DST: variants seen among roughly 807,000 people sequenced by gnomAD.
The protein encoded by DST is bullous pemphigoid antigen.
DST carries 253 observed loss-of-function variants against 875.2 expected under a neutral mutation model. The observed-to-expected ratio is 0.29, with a 90% CI of 0.26 to 0.32. The LOEUF (loss-of-function observed/expected upper bound fraction) is 0.32, where lower values mean the gene tolerates loss of function less well. DST is among the 10% of genes least tolerant of loss of function. The pLI is 1.00. For missense variants in DST, 8,287 were observed against 9,111.6 expected (o/e 0.91, Z 3.68); for synonymous variants, 3,124 against 3,197.1 (o/e 0.98, Z 0.77).
chr6:56,697,565 A>AT (rs368852742), intron 9 of DST, among the ~76,000 whole-genome samples: 10 of 151,706 alleles, frequency 6.6e-5, no homozygotes, highest in Admixed American at 1.3e-4. Flanking sequence ...ACAGAAACAC[A>AT]TTTTTTTTTA....
At chr6:56,546,378 A>C (rs2097224964) in intron 61 of DST, among the ~76,000 whole-genome samples, 2 of 136,014 alleles carry the variant, frequency 1.5e-5, no homozygotes, top group Non-Finnish European at 3.2e-5. Context: ...ATATATATAT[A>C]TATATATATA....
chr6:56,937,327 A>G (rs1269319175), intron 2 of DST, among the ~76,000 whole-genome samples: 1 of 151,754 alleles, frequency 6.6e-6, no homozygotes, highest in Non-Finnish European at 1.5e-5. Context: ...ATTCAATAAG[A>G]AAAAAAAATC....
At chr6:56,839,995 T>C (rs1455106566) in intron 4 of DST, among the ~76,000 whole-genome samples, 1 of 152,206 alleles carries the variant, frequency 6.6e-6, no homozygotes, top group Non-Finnish European at 1.5e-5. Flanking sequence ...GTTGTCTAGG[T>C]ACAACGGATT....
Position 56,780,842 on chromosome 6 carries a change from G to A in DST, c.626-45553C>T, listed in dbSNP as rs556727672. 1.1e-3 allele frequency among the ~76,000 whole-genome samples: 168 copies of A among 152,126 alleles called. 6 individuals are homozygous for A. The highest frequency in any genetic ancestry group is 3.9e-3 in the African/African-American group (162 of 41,500). ...ATGGTAATGCCTAGGTTTTCTTCTA[G>A]GGTTTTTATGGTTTTAGATCTAACG... On this transcript the variant is annotated intron_variant, in intron 4 of 103. Coordinates refer to ENST00000680361, the MANE Select transcript of DST (RefSeq NM_001374736.1).
In DST at chr6:56,778,493, A is replaced by G. The variant is rs919610109; in HGVS notation, c.626-43204T>C. On this transcript the variant is annotated intron_variant, in intron 4 of 103. Coordinates refer to ENST00000680361, the MANE Select transcript of DST (RefSeq NM_001374736.1). ...GGTATGCTGCACCCAGTAACTCATCATTTAACATTAGGTATATCTCCAAAT... is the reference window on the plus strand; with the variant it reads ...GGTATGCTGCACCCAGTAACTCATCGTTTAACATTAGGTATATCTCCAAAT... 7.3e-5 allele frequency among the ~76,000 whole-genome samples: 11 copies of G among 150,572 alleles called. No homozygotes were observed. In the East Asian group the frequency reaches 2.0e-3, roughly 27 times the overall value.
At position 56,640,286 on chromosome 6, in the gene DST, C is replaced by G. The variant is rs1554550101; in HGVS notation, c.2347G>C (p.Glu783Gln). 6.2e-6 allele frequency: 10 copies of G among 1,614,148 alleles called. No individual in the cohort carries two copies. Among genetic ancestry groups the G allele is most frequent in the South Asian group, 1.1e-5 (1 of 91,082 alleles). Residue 783 changes from glutamate (E) to glutamine (Q), a missense_variant, in exon 18 of 104, where the codon GAG becomes CAG. By Grantham distance (29) the Glu-to-Gln change is conservative. Around this residue, in one of 10 missense-constraint regions of DST, gnomAD observed 1,160 missense variants for 1,424.3 expected, o/e 0.81. Coordinates refer to ENST00000680361, the MANE Select transcript of DST (RefSeq NM_001374736.1). ...GLVPNFSSGV[E>Q]PNSLQTLKLM... ...TTCAAAGTTTGCAATGAATTTGGCTCTACTCCTGAACTGAAATTTGGAACT... is the reference window on the plus strand; with the variant it reads ...TTCAAAGTTTGCAATGAATTTGGCTGTACTCCTGAACTGAAATTTGGAACT...
At chr6:56,712,699 T>C (rs989543047) in intron 5 of DST, among the ~76,000 whole-genome samples, 4 of 152,220 alleles carry the variant, frequency 2.6e-5, no homozygotes, top group African/African-American at 7.2e-5. Flanking sequence ...GATTCCACTA[T>C]ATTTTTAAAT....
At chr6:56,828,755 C>T (rs528682141) in intron 4 of DST, among the ~76,000 whole-genome samples, 24 of 152,220 alleles carry the variant, frequency 1.6e-4, no homozygotes, top group African/African-American at 5.8e-4. Context: ...CATCTTTTCC[C>T]TACAGGCAAT....
intron 4 of DST, among the ~76,000 whole-genome samples, chr6:56,769,150 G>C (rs1470222153): frequency 6.6e-6 from 1 of 152,102 alleles, no homozygotes; most frequent in Non-Finnish European, 1.5e-5. Flanking sequence ...TGAACAGACA[G>C]TTTACTAAAG....
rs1323358798 is a variant in DST at position 56,553,598 on chromosome 6, A to G, written c.15194T>C (p.Met5065Thr). The G allele has an allele frequency of 6.2e-7, 1 of 1,613,660 alleles. No individual in the cohort carries two copies. Among genetic ancestry groups the G allele is most frequent in the Non-Finnish European group, 8.5e-7 (1 of 1,179,886 alleles). ...ACASSHQFQQ[M>T]SRDFQAWLDT... ...CAGCCAAGCCTGAAAATCTCTAGAC[A>G]TTTGCTGAAATTGATGAGAGCTTGC... Residue 5065 changes from methionine to threonine, a missense_variant, in exon 61 of 104, where the codon ATG (methionine) becomes ACG (threonine). By Grantham distance (81) the Met-to-Thr change is moderately conservative. Coordinates refer to ENST00000680361, the MANE Select transcript of DST (RefSeq NM_001374736.1).
intron 93 of DST, 149 bp from the exon 94 acceptor site, chr6:56,472,371 G>T: frequency 1.4e-6 from 1 of 690,584 alleles, no homozygotes; most frequent in Non-Finnish European, 2.4e-6. Context: ...GATGTATAAT[G>T]TCAAGGCCCA....
chr6:56,590,587 ATTTG>A (rs968692553), intron 49 of DST, among the ~76,000 whole-genome samples: 16 of 152,246 alleles, frequency 1.1e-4, no homozygotes, highest in African/African-American at 3.9e-4. Context: ...ATTAAGATAG[ATTTG>A]TTCTTGTACC....
rs1169910708 is a variant in DST, at chr6:56,584,994, G to C, written c.12904-6057C>G. ...TTTGATGTGCTGCTGGATTCGGTTT[G>C]CCAGTATTTTATTGAGGATTTTTGC... is the stretch of plus-strand genomic sequence containing the variant. On this transcript the variant is annotated intron_variant, in intron 49 of 103. Coordinates refer to ENST00000680361, the MANE Select transcript of DST (RefSeq NM_001374736.1). Among the ~76,000 whole-genome samples, 9 of 150,522 alleles carry C rather than the reference G, an allele frequency of 6.0e-5. No individual in the cohort carries two copies. In the South Asian group the frequency reaches 1.9e-3, roughly 32 times the overall value.
Position 56,699,686 on chromosome 6 carries a change from C to A in DST, c.1014G>T (p.Leu338Phe). The change falls in exon 9 of 104, where the codon TTG becomes TTT. Residue 338 changes from leucine to phenylalanine, a missense_variant. Leu to Phe is a conservative substitution (Grantham distance 22). Transcript: ENST00000680361. Reference sequence around the variant, plus strand: ...GCAAAATTATTGTCCAGATTAATCCCAAAGTCAATTTGGGATTTCCATCTG... The same window carrying A: ...GCAAAATTATTGTCCAGATTAATCCAAAAGTCAATTTGGGATTTCCATCTG... ...DITDGNPKLT[L>F]GLIWTIILHF... 1 of 1,530,960 alleles carries A rather than the reference C, an allele frequency of 6.5e-7. No homozygotes were observed. Among genetic ancestry groups the A allele is most frequent in the Admixed American group, 2.3e-5 (1 of 43,480 alleles). The allele number at this position is 1,530,960 out of a possible 1,614,324, so 94.8% of individuals were successfully genotyped here. A position where few individuals can be genotyped will look rare whatever the true frequency, so the allele number is the denominator to read the frequency against.
chr6:56,466,180 G>C lies in DST; in HGVS notation c.22585C>G (p.Gln7529Glu), dbSNP rs764187003. ...FLGNQFGDSQQLRLVRILRST... is the reference protein window; with the variant it reads ...FLGNQFGDSQELRLVRILRST... ...CGCAGGATCCGGACCAGTCGCAGTT[G>C]CTGGGAGTCTCCAAACTGTTCAGTG... Residue 7529 changes from glutamine to glutamate, a missense_variant, in exon 99 of 104, where the codon CAA (glutamine) becomes GAA (glutamate). By Grantham distance (29) the Gln-to-Glu change is conservative (BLOSUM62 2). Coordinates refer to ENST00000680361, the MANE Select transcript of DST (RefSeq NM_001374736.1). The C allele has an allele frequency of 6.2e-7, 1 of 1,607,878 alleles. No individual in the cohort carries two copies. Among genetic ancestry groups the C allele is most frequent in the Non-Finnish European group, 8.5e-7 (1 of 1,176,852 alleles).
chr6:56,945,116 G>A (rs937455828), intron 2 of DST, among the ~76,000 whole-genome samples: 1 of 152,148 alleles, frequency 6.6e-6, no homozygotes, highest in African/African-American at 2.4e-5. Context: ...AGAAATCCCT[G>A]TTTATTAATA....
At position 56,816,045 on chromosome 6, in the gene DST, G is replaced by A. The variant is rs73746941; in HGVS notation, c.625+35352C>T. On this transcript the variant is annotated intron_variant, in intron 4 of 103. Coordinates refer to ENST00000680361, the MANE Select transcript of DST (RefSeq NM_001374736.1). ...TTCTTTCTTCCTCCACTCTCCGTGAGATTTTAGGGTTCTAGCCATAAATGT... is the reference window on the plus strand; with the variant it reads ...TTCTTTCTTCCTCCACTCTCCGTGAAATTTTAGGGTTCTAGCCATAAATGT... 1.7e-3 allele frequency among the ~76,000 whole-genome samples: 254 copies of A among 152,230 alleles called. 1 individual carries two copies. Among genetic ancestry groups the A allele is most frequent in the African/African-American group, 4.5e-3 (189 of 41,546 alleles).
chr6:56,726,035 C>A (rs377308323), intron 5 of DST, among the ~76,000 whole-genome samples: 16 of 152,140 alleles, frequency 1.1e-4, no homozygotes, highest in Middle Eastern at 3.2e-3. Context: ...ATTGTGCCAT[C>A]CAGTCAGGTA....
chr6:56,695,056 G>A (rs978715158), intron 9 of DST, among the ~76,000 whole-genome samples: 1 of 150,640 alleles, frequency 6.6e-6, no homozygotes, highest in African/African-American at 2.5e-5. Flanking sequence ...GAACCCAGGA[G>A]GTGGAGGTTG....
Sources: allele counts gnomAD v4.1 joint callset (sites outside exome capture counted in the v4.1 genomes callset), GRCh38; gene constraint gnomAD v4.1.1; regional missense constraint gnomAD v4.1.1; transcripts MANE v1.5; gene names NCBI Gene and HGNC (gene_info 2026-07-23, HGNC 2026-07-21).